The following SEZ6L2 variants were observed in gnomAD, a reference collection of about 807,000 sequenced individuals.
SEZ6L2 encodes the protein seizure 6-like protein 2.
In SEZ6L2, 44 loss-of-function variants were observed where a neutral mutation model predicts 97.0. That is an observed-to-expected ratio of 0.45 (90% CI 0.36 to 0.58). The LOEUF (loss-of-function observed/expected upper bound fraction) is 0.58, where lower values mean the gene tolerates loss of function less well. Among genes scored for constraint, SEZ6L2 ranks in the 20% least tolerant of loss-of-function variants. SEZ6L2 has a pLI of 0.00. For synonymous variants in SEZ6L2, 543 were observed against 546.1 expected (o/e 0.99, Z 0.08); for missense variants, 1,086 against 1,233.3 (o/e 0.88, Z 1.79).
chr16:29,878,763 C>CTTTT (rs529820559), intron 9 of SEZ6L2, among the ~76,000 whole-genome samples: 2 of 127,944 alleles, frequency 1.6e-5, no homozygotes, highest in African/African-American at 2.9e-5. Context: ...TTTCTTTTTT[C>CTTTT]TTTTTTTTTT....
chr16:29,895,160 C>G (rs1307056404), intron 5 of SEZ6L2, 99 bp downstream of exon 5: 1 of 1,053,142 alleles, frequency 9.5e-7, no homozygotes, highest in African/African-American at 1.9e-5. Context: ...GTCTGGGCGA[C>G]AGAGCAAGAC....
At position 29,872,167 on chromosome 16, in the gene SEZ6L2, G is replaced by A; in HGVS notation, c.2742+20C>T. The A allele has an allele frequency of 6.4e-7, 1 of 1,563,832 alleles. No homozygotes were observed. The highest frequency in any genetic ancestry group is 8.7e-7 in the Non-Finnish European group (1 of 1,153,800). On this transcript the variant is annotated intron_variant, in intron 17 of 17. Coordinates refer to ENST00000617533, the MANE Select transcript of SEZ6L2 (RefSeq NM_001243332.2). ...GGGAGAGCCAAGTGGTGGCTCTTCA[G>A]GGGCAGGCAAGGTGCTTACCCCAGC... is the stretch of plus-strand genomic sequence containing the variant.
At chr16:29,891,652 A>C (rs893867468) in intron 5 of SEZ6L2, among the ~76,000 whole-genome samples, 1 of 151,822 alleles carries the variant, frequency 6.6e-6, no homozygotes, top group East Asian at 1.9e-4. Flanking sequence ...AAAAAAAAAA[A>C]GGGCTAGCCT....
intron 8 of SEZ6L2, among the ~76,000 whole-genome samples, chr16:29,882,055 C>A (rs1035228680): frequency 6.6e-6 from 1 of 151,494 alleles, no homozygotes; most frequent in East Asian, 2.0e-4. Flanking sequence ...ACTGCAAACT[C>A]GGCTTCCCAG....
At chr16:29,884,918 T>C (rs1046635069) in intron 8 of SEZ6L2, among the ~76,000 whole-genome samples, 2 of 141,826 alleles carry the variant, frequency 1.4e-5, no homozygotes, top group Non-Finnish European at 3.1e-5. Flanking sequence ...CGTCTCAAAA[T>C]AAATAAAGGC....
chr16:29,873,965 C>G lies in SEZ6L2; in HGVS notation c.2105-236G>C, dbSNP rs1413337867. Reference sequence around the variant, plus strand: ...CTCCAGCCTGGGTGACAGAGTGAGACCCAGTCTAAAAAAAATAAAAGAAAA... The same window carrying G: ...CTCCAGCCTGGGTGACAGAGTGAGAGCCAGTCTAAAAAAAATAAAAGAAAA... On this transcript the variant is annotated intron_variant, in intron 12 of 17. Coordinates refer to ENST00000617533, the MANE Select transcript of SEZ6L2 (RefSeq NM_001243332.2). The surrounding 1 kb of genome is among the most constrained non-coding windows in gnomAD (Gnocchi z 4.3). Among the ~76,000 whole-genome samples the G allele has an allele frequency of 6.6e-6, 1 of 151,846 alleles. No individual in the cohort carries two copies. The highest frequency in any genetic ancestry group is 6.6e-5 in the Admixed American group (1 of 15,218).
chr16:29,889,122 CAG>C (rs2068213817), intron 5 of SEZ6L2, among the ~76,000 whole-genome samples: 1 of 152,172 alleles, frequency 6.6e-6, no homozygotes, highest in African/African-American at 2.4e-5. Flanking sequence ...TGAGTCCACA[CAG>C]AGATTTTGAG....
chr16:29,883,021 G>A (rs935003165), intron 8 of SEZ6L2, among the ~76,000 whole-genome samples: 12 of 152,086 alleles, frequency 7.9e-5, no homozygotes, highest in African/African-American at 2.2e-4. Flanking sequence ...AATCTATCCC[G>A]CAATTCATTT....
chr16:29,873,724 T>A lies in SEZ6L2; in HGVS notation c.2110A>T (p.Thr704Ser), dbSNP rs368303260. Reference sequence around the variant, plus strand: ...GCAATCTCGCCAGGGTCAGCACAAGTCATGACTGGTGGCAGAAGAACAAGG... The same window carrying A: ...GCAATCTCGCCAGGGTCAGCACAAGACATGACTGGTGGCAGAAGAACAAGG... ...AAPPACQKIMTCADPGEIANG... is the reference protein window; with the variant it reads ...AAPPACQKIMSCADPGEIANG... The change falls in exon 13 of 18, where the codon ACT becomes TCT. Residue 704 changes from threonine to serine, a missense_variant. Thr to Ser is a moderately conservative substitution (Grantham distance 58). Coordinates refer to ENST00000617533, the MANE Select transcript of SEZ6L2 (RefSeq NM_001243332.2). This position sits in a 1 kb window ranked among gnomAD's most constrained non-coding sequence, Gnocchi z 4.3. 6.3e-7 allele frequency: 1 copy of A among 1,577,530 alleles called. No individual in the cohort carries two copies. Among genetic ancestry groups the A allele is most frequent in the Non-Finnish European group, 8.6e-7 (1 of 1,163,424 alleles).
rs531349862 is a variant in SEZ6L2, at chr16:29,875,378, A to G, written c.2104+1378T>C. On this transcript the variant is annotated intron_variant, in intron 12 of 17. Transcript: ENST00000617533. Reference sequence around the variant, plus strand: ...GGGTCCTGGCACACCTTCAGGCTCAATCTGCTGCCTTGGGCAGGTTCCCTC... The same window carrying G: ...GGGTCCTGGCACACCTTCAGGCTCAGTCTGCTGCCTTGGGCAGGTTCCCTC... Among the ~76,000 whole-genome samples, 6 of 152,278 alleles carry G rather than the reference A, an allele frequency of 3.9e-5. No homozygotes were observed. In the South Asian group the frequency reaches 1.2e-3, roughly 32 times the overall value.
intron 12 of SEZ6L2, among the ~76,000 whole-genome samples, chr16:29,874,311 A>C (rs2067851876): frequency 6.6e-6 from 1 of 152,018 alleles, no homozygotes; most frequent in South Asian, 2.1e-4. Flanking sequence ...TGAGCCCAAC[A>C]TGGCTTGTAG....
chr16:29,871,811 T>C, intron 17 of SEZ6L2, 83 bp from the exon 18 acceptor site: 1 of 1,314,632 alleles, frequency 7.6e-7, no homozygotes, highest in South Asian at 1.3e-5. Context: ...GCAACGATCC[T>C]GGGTTTTAAA....
At chr16:29,879,702 T>C (rs1454942047) in intron 9 of SEZ6L2, among the ~76,000 whole-genome samples, 162 bp downstream of exon 9, 1 of 152,226 alleles carries the variant, frequency 6.6e-6, no homozygotes, top group African/African-American at 2.4e-5. Context: ...GCCCAGCAGT[T>C]ATTCAGCTAA....
chr16:29,879,946 C>G lies in SEZ6L2; in HGVS notation c.1491G>C (p.Leu497=), dbSNP rs766211688. 17 of 1,614,026 alleles carry G rather than the reference C, an allele frequency of 1.1e-5. No homozygotes were observed. Among genetic ancestry groups the G allele is most frequent in the Non-Finnish European group, 1.4e-5 (16 of 1,180,020 alleles). Residue 497 remains leucine, a synonymous_variant, in exon 9 of 18, where the codon CTG becomes CTC. Coordinates refer to ENST00000617533, the MANE Select transcript of SEZ6L2 (RefSeq NM_001243332.2). ...TGGCATTGGGGGGCCCAGGGGGCTC[C>G]AGGGCATATCCTGGGAGGCACGAGA... ...ATFSCLPGYA[L]EPPGPPNAIE...
chr16:29,875,661 C>CT (rs149293940), intron 12 of SEZ6L2, among the ~76,000 whole-genome samples: 42,061 of 111,192 alleles, frequency 0.38, 10,032 homozygotes, highest in Middle Eastern at 0.62. Flanking sequence ...TTCTTTCTTT[C>CT]TTTCTTTTTT....
In SEZ6L2 at chr16:29,899,117, T is replaced by A; in HGVS notation, c.-98A>T. On this transcript the variant is annotated 5_prime_UTR_variant, in exon 1 of 18. Transcript: ENST00000617533. Reference sequence around the variant, plus strand: ...TTATCTTTCCCTTTAATTGTTTTTTTTTTTTTTTTTTTTTTCCTCGTAGGA... The same window carrying A: ...TTATCTTTCCCTTTAATTGTTTTTTATTTTTTTTTTTTTTTCCTCGTAGGA... 1 of 812,732 alleles carries A rather than the reference T, an allele frequency of 1.2e-6. No homozygotes were observed. The highest frequency in any genetic ancestry group is 1.9e-6 in the Non-Finnish European group (1 of 531,432). 50.3% of individuals were successfully genotyped at this position (812,732 alleles called of 1,614,324 possible). A position where few individuals can be genotyped will look rare whatever the true frequency, so the allele number is the denominator to read the frequency against.
At chr16:29,896,772 G>A (rs2068399609) in intron 3 of SEZ6L2, 50 bp downstream of exon 3, 1 of 1,545,132 alleles carries the variant, frequency 6.5e-7, no homozygotes, top group African/African-American at 1.4e-5. Flanking sequence ...TCCATCCCCA[G>A]CGTGTACCTC....
chr16:29,887,516 G>A (rs2068171004), intron 7 of SEZ6L2, 133 bp downstream of exon 7: 1 of 691,036 alleles, frequency 1.4e-6, no homozygotes, highest in African/African-American at 1.9e-5. Flanking sequence ...GTTTCACCGT[G>A]TTAGCCAGGA....
At chr16:29,875,703 C>T (rs1177713078) in intron 12 of SEZ6L2, among the ~76,000 whole-genome samples, 2 of 134,160 alleles carry the variant, frequency 1.5e-5, no homozygotes, top group East Asian at 2.1e-4. Flanking sequence ...ACTCCCGTGG[C>T]GCAGGATGGA....
Sources: gnomAD v4.1 joint callset for allele counts (sites outside exome capture counted in the v4.1 genomes callset) on GRCh38, gnomAD v4.1.1 for gene constraint, Gnocchi (gnomAD v3.1) non-coding constraint, MANE v1.5 for transcripts, NCBI Gene and HGNC (gene_info 2026-07-23, HGNC 2026-07-21) for gene names.